The following EHBP1 variants were observed in gnomAD, a reference collection of about 807,000 sequenced individuals.
The protein encoded by EHBP1 is EH domain binding protein 1, also known as EH domain-binding protein 1.
Under a neutral mutation model 144.0 loss-of-function variants are expected in EHBP1, and 55 were observed. The ratio of observed to expected loss-of-function variants is 0.38; its 90% CI spans 0.31 to 0.48. EHBP1 has a LOEUF of 0.48. EHBP1 is among the 20% of genes least tolerant of loss of function. The pLI, the probability that EHBP1 is intolerant of heterozygous loss-of-function variation, is 0.98. For missense variants in EHBP1, 1,200 were observed against 1,364.2 expected (o/e 0.88, Z 1.90); for synonymous variants, 469 against 472.7 (o/e 0.99, Z 0.10).
intron 3 of EHBP1, among the ~76,000 whole-genome samples, chr2:62,749,197 C>T (rs1300162316): frequency 6.6e-6 from 1 of 152,044 alleles, no homozygotes; most frequent in Admixed American, 6.6e-5. Flanking sequence ...CAAGTGTTCT[C>T]ATTGTTCAAT....
intron 10 of EHBP1, among the ~76,000 whole-genome samples, chr2:62,875,163 C>T (rs956773241): frequency 6.6e-6 from 1 of 152,232 alleles, no homozygotes; most frequent in Non-Finnish European, 1.5e-5. Context: ...CATGCACAGT[C>T]CCCACTGCCC....
intron 10 of EHBP1, among the ~76,000 whole-genome samples, chr2:62,934,059 T>A (rs2056201178): frequency 6.6e-6 from 1 of 152,236 alleles, no homozygotes; most frequent in Non-Finnish European, 1.5e-5. Context: ...TTCTATTCTG[T>A]GCTATATAAG....
Position 62,859,177 on chromosome 2 carries a change from A to C in EHBP1, c.643A>C (p.Asn215His), listed in dbSNP as rs771941303. Residue 215 changes from asparagine to histidine, a missense_variant, in exon 8 of 23, where the codon AAC (asparagine) becomes CAC (histidine). Coordinates refer to ENST00000431489, the MANE Select transcript of EHBP1 (RefSeq NM_001142616.3). Reference sequence around the variant, plus strand: ...CATATGTTTATTTTCAGAGCTTATCAACAAACTTAACTTTTTGGATGAAGC... The same window carrying C: ...CATATGTTTATTTTCAGAGCTTATCCACAAACTTAACTTTTTGGATGAAGC... ...EKAAKITELI[N>H]KLNFLDEAEK... The C allele has an allele frequency of 8.7e-6, 14 of 1,611,544 alleles. No individual in the cohort carries two copies. The South Asian group carries it at 1.5e-4, about 18-fold the overall frequency.
chr2:62,977,711 C>T (rs1289490617), intron 14 of EHBP1, among the ~76,000 whole-genome samples: 1 of 152,044 alleles, frequency 6.6e-6, no homozygotes, highest in Non-Finnish European at 1.5e-5. Context: ...AAAGGTAAAT[C>T]AGCTATAGTT....
intron 3 of EHBP1, among the ~76,000 whole-genome samples, chr2:62,761,027 G>A (rs999289068): frequency 3.3e-5 from 5 of 152,104 alleles, no homozygotes; most frequent in African/African-American, 1.2e-4. Flanking sequence ...TTAATTGTGG[G>A]AAGCTTGAAG....
At chr2:63,012,463 AAG>A in intron 19 of EHBP1, among the ~76,000 whole-genome samples, 1 of 152,290 alleles carries the variant, frequency 6.6e-6, no homozygotes, top group South Asian at 2.1e-4. Context: ...AATAATAAAA[AAG>A]CACTTTTTCT....
chr2:63,017,872 G>A (rs2060547963), intron 19 of EHBP1, among the ~76,000 whole-genome samples: 1 of 152,286 alleles, frequency 6.6e-6, no homozygotes, highest in Admixed American at 6.5e-5. Flanking sequence ...TTTAAAAGGA[G>A]AGTTTAGGGA....
chr2:62,930,129 G>C (rs975939910), intron 10 of EHBP1, among the ~76,000 whole-genome samples: 6 of 152,046 alleles, frequency 3.9e-5, no homozygotes, highest in Non-Finnish European at 5.9e-5. Flanking sequence ...TGCACTCATA[G>C]TCCCACTACT....
At chr2:62,721,378 C>T (rs1168432996) in intron 2 of EHBP1, among the ~76,000 whole-genome samples, 1 of 152,166 alleles carries the variant, frequency 6.6e-6, no homozygotes, top group Non-Finnish European at 1.5e-5. Flanking sequence ...TCACCTTGAT[C>T]ACTTAGTCTA....
chr2:62,812,224 G>A (rs1004530775), intron 5 of EHBP1, among the ~76,000 whole-genome samples: 2 of 152,110 alleles, frequency 1.3e-5, no homozygotes, highest in African/African-American at 4.8e-5. Context: ...AGAACTGTGA[G>A]CCAAATAAGT....
intron 14 of EHBP1, among the ~76,000 whole-genome samples, chr2:62,959,585 A>T (rs897713192): frequency 6.6e-6 from 1 of 152,128 alleles, no homozygotes; most frequent in Non-Finnish European, 1.5e-5. Flanking sequence ...GCATGGAGTG[A>T]CATCTCATTG....
intron 2 of EHBP1, among the ~76,000 whole-genome samples, chr2:62,719,251 C>G (rs576673729): frequency 6.0e-4 from 91 of 152,220 alleles, no homozygotes; most frequent in South Asian, 1.2e-3. Context: ...CAGGCATGAG[C>G]CACTGTGCCG....
intron 8 of EHBP1, among the ~76,000 whole-genome samples, chr2:62,864,218 C>T (rs887336670): frequency 6.6e-6 from 1 of 152,078 alleles, no homozygotes; most frequent in Admixed American, 6.5e-5. Context: ...AATCATGGCT[C>T]ACTGCAGCCT....
chr2:62,965,700 G>A (rs2058215949), intron 14 of EHBP1, among the ~76,000 whole-genome samples: 1 of 152,146 alleles, frequency 6.6e-6, no homozygotes, highest in Non-Finnish European at 1.5e-5. Context: ...TTCATGAATT[G>A]ACTTGAACAA....
intron 19 of EHBP1, among the ~76,000 whole-genome samples, chr2:63,001,513 C>T (rs1365258520): frequency 6.6e-6 from 1 of 152,068 alleles, no homozygotes; most frequent in Non-Finnish European, 1.5e-5. Context: ...GGGAATAGGG[C>T]CCACAAAAAA....
At position 63,045,472 on chromosome 2, in the gene EHBP1, A is replaced by G. The variant is rs1424142686; in HGVS notation, c.3455A>G (p.Lys1152Arg). Residue 1152 changes from lysine to arginine, a missense_variant, in exon 23 of 23, where the codon AAG becomes AGG. Physicochemically the swap from Lys to Arg is conservative, Grantham distance 26. This residue lies in a region of EHBP1 where 149 missense variants were observed against 217.0 expected (regional missense o/e 0.69). Transcript: ENST00000431489. The surrounding 1 kb of genome is among the most constrained non-coding windows in gnomAD (Gnocchi z 5.7). ...GAGCAAAACAAAGGCAAGATGGCCAAGAAAGAGGAGAAATGTGTTCTTCAG... is the reference window on the plus strand; with the variant it reads ...GAGCAAAACAAAGGCAAGATGGCCAGGAAAGAGGAGAAATGTGTTCTTCAG... ...TLEQNKGKMAKKEEKCVLQ is the reference protein window; with the variant it reads ...TLEQNKGKMARKEEKCVLQ The G allele has an allele frequency of 6.2e-7, 1 of 1,614,028 alleles. No individual in the cohort carries two copies. The highest frequency in any genetic ancestry group is 8.5e-7 in the Non-Finnish European group (1 of 1,179,978).
chr2:62,944,396 T>C (rs1238190646), intron 12 of EHBP1, among the ~76,000 whole-genome samples: 1 of 152,220 alleles, frequency 6.6e-6, no homozygotes, highest in East Asian at 1.9e-4. Context: ...TTACTGTACC[T>C]TTTCTATGTT....
At chr2:62,933,808 G>T (rs1219414574) in intron 10 of EHBP1, among the ~76,000 whole-genome samples, 3 of 151,982 alleles carry the variant, frequency 2.0e-5, no homozygotes, top group Admixed American at 2.0e-4. Flanking sequence ...TAAACAATAT[G>T]GTTTACTTTT....
rs567985303 is a variant in EHBP1, at chr2:63,007,931, GACAA to G, written c.3103+11169_3103+11172del. Among the ~76,000 whole-genome samples the G allele has an allele frequency of 9.0e-3, 1,367 of 151,736 alleles. 15 individuals are homozygous for G. The highest frequency in any genetic ancestry group is 0.028 in the African/African-American group (1,160 of 41,498). ...CCAAAGCCAGTTAAATGTTTTAGAA[GACAA>G]ACAGTTTAATTAGCTAACCTCAGAG... On this transcript the variant is annotated intron_variant, in intron 19 of 22. Transcript: ENST00000431489.
Sources: gnomAD v4.1 joint callset for allele counts (sites outside exome capture counted in the v4.1 genomes callset) on GRCh38, gnomAD v4.1.1 for gene constraint, gnomAD v4.1.1 regional missense constraint, Gnocchi (gnomAD v3.1) non-coding constraint, MANE v1.5 for transcripts, NCBI Gene and HGNC (gene_info 2026-07-23, HGNC 2026-07-21) for gene names.